The following SGO2 variants were observed in gnomAD, a reference collection of about 807,000 sequenced individuals.
The protein encoded by SGO2 is shugoshin 2.
A neutral mutation model predicts 99.5 loss-of-function variants in SGO2; 68 were observed. The observed-to-expected ratio is 0.68, with a 90% CI of 0.56 to 0.84. SGO2 has a LOEUF of 0.84. Among genes scored for constraint, SGO2 ranks in the 40% least tolerant of loss-of-function variants. SGO2 has a pLI of 0.00. For synonymous variants in SGO2, 457 were observed against 487.1 expected (o/e 0.94, Z 0.81); for missense variants, 1,350 against 1,436.7 (o/e 0.94, Z 0.97).
rs766835333 is a variant in SGO2 at position 200,572,652 on chromosome 2, T to A, written c.2306T>A (p.Leu769His). ...EDPSEFETPA[L>H]STKDSGNLYD... Reference sequence around the variant, plus strand: ...CCAAGTGAGTTTGAAACACCTGCTCTTTCTACCAAAGATAGTGGAAACCTG... The same window carrying A: ...CCAAGTGAGTTTGAAACACCTGCTCATTCTACCAAAGATAGTGGAAACCTG... The change falls in exon 7 of 9, where the codon CTT becomes CAT. Residue 769 changes from leucine to histidine, a missense_variant. Physicochemically the swap from Leu to His is moderately conservative, Grantham distance 99 (BLOSUM62 -3). Coordinates refer to ENST00000357799, the MANE Select transcript of SGO2 (RefSeq NM_152524.6). 1.2e-5 allele frequency: 19 copies of A among 1,612,148 alleles called. No individual in the cohort carries two copies. Among genetic ancestry groups the A allele is most frequent in the Non-Finnish European group, 1.5e-5 (18 of 1,179,254 alleles).
chr2:200,530,374 T>C (rs1263831267), intron 1 of SGO2, among the ~76,000 whole-genome samples: 1 of 152,186 alleles, frequency 6.6e-6, no homozygotes, highest in Admixed American at 6.5e-5. Context: ...TGAACTGAAA[T>C]AGAAAATGCT....
At chr2:200,556,197 C>T (rs538694651) in intron 5 of SGO2, among the ~76,000 whole-genome samples, 30 of 152,286 alleles carry the variant, frequency 2.0e-4, no homozygotes, top group African/African-American at 7.2e-4. Context: ...AACTCCTGAC[C>T]TCAGGTGATC....
intron 7 of SGO2, 50 bp from the exon 8 acceptor site, chr2:200,575,261 A>G: frequency 8.7e-7 from 1 of 1,152,002 alleles, no homozygotes; most frequent in Non-Finnish European, 1.2e-6. Context: ...ATCTATTTGT[A>G]TCTCTATATA....
At position 200,533,108 on chromosome 2, in the gene SGO2, A is replaced by T. The variant is rs1223372626; in HGVS notation, c.133A>T (p.Asn45Tyr). Residue 45 changes from asparagine (N) to tyrosine (Y), a missense_variant and splice_region_variant, in exon 2 of 9, where the codon AAT becomes TAT. Asn to Tyr is a moderately radical substitution (Grantham distance 143). Coordinates refer to ENST00000357799, the MANE Select transcript of SGO2 (RefSeq NM_152524.6). ...TTCAAAAATAAAAACAAAAATACTA[A>T]GTAAGTGCCATCAGTTTTAAAATAC... is the stretch of plus-strand genomic sequence containing the variant. ...LASKIKTKIL[N>Y]NSSIFKISLK... 5 of 1,574,552 alleles carry T rather than the reference A, an allele frequency of 3.2e-6. No homozygotes were observed. Among genetic ancestry groups the T allele is most frequent in the Non-Finnish European group, 4.3e-6 (5 of 1,166,558 alleles).
At chr2:200,554,193 A>G (rs993629215) in intron 5 of SGO2, among the ~76,000 whole-genome samples, 3 of 152,226 alleles carry the variant, frequency 2.0e-5, no homozygotes, top group South Asian at 4.1e-4. Flanking sequence ...TCACAGGAGT[A>G]TACTGTACTC....
Position 200,546,178 on chromosome 2 carries a change from T to TAA in SGO2, c.473+3529_473+3530dup, listed in dbSNP as rs61255782. ...CAGCAAACTAGCAGTATAGATTTGC[T>TAA]AAAAAAAAAAAAAAAATACAAAAAA... is the stretch of plus-strand genomic sequence containing the variant. On this transcript the variant is annotated intron_variant, in intron 5 of 8. Coordinates refer to ENST00000357799, the MANE Select transcript of SGO2 (RefSeq NM_152524.6). 1.4e-4 allele frequency among the ~76,000 whole-genome samples: 20 copies of TAA among 139,452 alleles called. No homozygotes were observed. The South Asian group carries it at 2.7e-3, about 19-fold the overall frequency. 91.5% of individuals were successfully genotyped at this position (139,452 alleles called of 152,430 possible). A position where few individuals can be genotyped will look rare whatever the true frequency, so the allele number is the denominator to read the frequency against.
intron 5 of SGO2, chr2:200,542,962 C>T (rs1047185634): frequency 1.6e-5 from 3 of 190,372 alleles, no homozygotes; most frequent in African/African-American, 7.0e-5. Context: ...AATCTGATGA[C>T]TGTTTCTACC....
At position 200,573,044 on chromosome 2, in the gene SGO2, G is replaced by A. The variant is rs1574881226; in HGVS notation, c.2698G>A (p.Glu900Lys). Reference sequence around the variant, plus strand: ...TGATAGGAAATCTGCTGAGCAAAATGAATCAAAAATAAATAAGCTCAGGAA... The same window carrying A: ...TGATAGGAAATCTGCTGAGCAAAATAAATCAAAAATAAATAAGCTCAGGAA... ...VTDRKSAEQN[E>K]SKINKLRNKV... is the part of the protein sequence containing the mutation. Residue 900 changes from glutamate to lysine, a missense_variant, in exon 7 of 9, where the codon GAA (glutamate) becomes AAA (lysine). Glu to Lys is a moderately conservative substitution (Grantham distance 56). Coordinates refer to ENST00000357799, the MANE Select transcript of SGO2 (RefSeq NM_152524.6). 6.4e-7 allele frequency: 1 copy of A among 1,565,554 alleles called. No homozygotes were observed. The highest frequency in any genetic ancestry group is 2.3e-5 in the East Asian group (1 of 44,308).
At position 200,575,361 on chromosome 2, in the gene SGO2, A is replaced by C. The variant is rs2033617235; in HGVS notation, c.3682A>C (p.Thr1228Pro). The C allele has an allele frequency of 6.2e-7, 1 of 1,608,874 alleles. No homozygotes were observed. The highest frequency in any genetic ancestry group is 8.5e-7 in the Non-Finnish European group (1 of 1,176,564). Residue 1228 changes from threonine (T) to proline (P), a missense_variant, in exon 8 of 9, where the codon ACT becomes CCT. Transcript: ENST00000357799. ...AAATACCAGTTTTGTTTCAAATAAC[A>C]CTGCTGAATCTGAAAATAAGTCAGA... Reference protein sequence around the residue: ...LSNTSFVSNNTAESENKSEDL... With the variant: ...LSNTSFVSNNPAESENKSEDL...
chr2:200,574,831 T>TC (rs1355015412), intron 7 of SGO2, among the ~76,000 whole-genome samples: 4 of 152,076 alleles, frequency 2.6e-5, no homozygotes, highest in African/African-American at 9.7e-5. Flanking sequence ...TATTAAACAT[T>TC]CCTATACCAA....
At position 200,527,848 on chromosome 2, in the gene SGO2, G is replaced by A. The variant is rs368545492; in HGVS notation, c.-3+1596G>A. Among the ~76,000 whole-genome samples the A allele has an allele frequency of 9.6e-4, 146 of 152,320 alleles. 1 individual carries two copies. The highest frequency in any genetic ancestry group is 3.4e-3 in the African/African-American group (143 of 41,568). On this transcript the variant is annotated intron_variant, in intron 1 of 8. Transcript: ENST00000357799. ...TTAATTTTATCTTAGACATTGATAA[G>A]TTAACGGAGAAAAATAAAACAGAAG...
At chr2:200,583,354 C>A in intron 8 of SGO2, 95 bp from the exon 9 acceptor site, 1 of 1,024,910 alleles carries the variant, frequency 9.8e-7, no homozygotes, top group Non-Finnish European at 1.4e-6. Context: ...AACTTCTTTT[C>A]TACTGATATG....
intron 5 of SGO2, chr2:200,543,658 T>C (rs1219010458): frequency 6.6e-6 from 1 of 152,242 alleles, no homozygotes; most frequent in East Asian, 1.9e-4. Context: ...GTTTGTTCCA[T>C]TGACTTGCCT....
intron 5 of SGO2, among the ~76,000 whole-genome samples, chr2:200,550,204 A>C (rs1379321949): frequency 1.3e-5 from 2 of 152,168 alleles, no homozygotes; most frequent in Non-Finnish European, 2.9e-5. Context: ...GAAATAGGAC[A>C]CCAAAAAAGG....
intron 5 of SGO2, chr2:200,543,059 C>T (rs1205820309): frequency 6.5e-6 from 1 of 152,806 alleles, no homozygotes; most frequent in African/African-American, 2.4e-5. Flanking sequence ...AATCCCAGCA[C>T]TTTGGGAGGC....
intron 8 of SGO2, among the ~76,000 whole-genome samples, chr2:200,577,211 T>C (rs1402000891): frequency 6.6e-6 from 1 of 152,058 alleles, no homozygotes; most frequent in Non-Finnish European, 1.5e-5. Context: ...CTATGACTGA[T>C]TCTAGCCGTC....
chr2:200,534,271 G>A (rs2106305205), intron 2 of SGO2, among the ~76,000 whole-genome samples: 1 of 152,236 alleles, frequency 6.6e-6, no homozygotes, highest in Non-Finnish European at 1.5e-5. Flanking sequence ...CTATATTTAT[G>A]GTAAGCTTTA....
At chr2:200,532,942 C>A in intron 1 of SGO2, 32 bp from the exon 2 acceptor site, 1 of 1,587,984 alleles carries the variant, frequency 6.3e-7, no homozygotes, top group South Asian at 1.2e-5. Context: ...TTTTATTAAT[C>A]AATACTATGA....
chr2:200,552,535 G>A (rs2032536643), intron 5 of SGO2, among the ~76,000 whole-genome samples: 1 of 152,134 alleles, frequency 6.6e-6, no homozygotes, highest in East Asian at 1.9e-4. Context: ...TTATTCATGA[G>A]TTTTCTAGGA....
Sources: allele counts gnomAD v4.1 joint callset (sites outside exome capture counted in the v4.1 genomes callset), GRCh38; gene constraint gnomAD v4.1.1; transcripts MANE v1.5; gene names NCBI Gene and HGNC (gene_info 2026-07-23, HGNC 2026-07-21).